Variants in CADPS observed in about 807,000 individuals in gnomAD.
CADPS encodes calcium dependent secretion activator, also known as calcium-dependent secretion activator 1.
A neutral mutation model predicts 167.3 loss-of-function variants in CADPS; 57 were observed. The ratio of observed to expected loss-of-function variants is 0.34; its 90% CI spans 0.28 to 0.42. The LOEUF (loss-of-function observed/expected upper bound fraction) is 0.42. Ranked by LOEUF, CADPS falls within the 20% of genes least tolerant of loss-of-function variation. The pLI is 1.00. For synonymous variants in CADPS, 676 were observed against 635.3 expected (o/e 1.06, Z -0.96); for missense variants, 1,414 against 1,738.1 (o/e 0.81, Z 3.32).
At chr3:62,474,091 G>T in intron 24 of CADPS, 82 bp downstream of exon 24, 1 of 962,484 alleles carries the variant, frequency 1.0e-6, no homozygotes, top group Non-Finnish European at 1.5e-6. Context: ...GACTAGGGTA[G>T]ATGGAAGGAA....
chr3:62,670,852 A>G (rs754525106), intron 3 of CADPS, among the ~76,000 whole-genome samples: 2 of 152,172 alleles, frequency 1.3e-5, no homozygotes, highest in Non-Finnish European at 2.9e-5. Flanking sequence ...CCTTTCTTCA[A>G]GAAGCCCTCC....
At chr3:62,839,477 G>C (rs530268924) in intron 1 of CADPS, among the ~76,000 whole-genome samples, 2 of 152,250 alleles carry the variant, frequency 1.3e-5, no homozygotes, top group South Asian at 2.1e-4. Context: ...AAACACCCCT[G>C]TAAGTGTGAA....
At chr3:62,747,547 A>G (rs569021230) in intron 3 of CADPS, among the ~76,000 whole-genome samples, 3 of 152,340 alleles carry the variant, frequency 2.0e-5, no homozygotes, top group Non-Finnish European at 4.4e-5. Flanking sequence ...TAGTGCTGTA[A>G]TAAGATAACC....
At chr3:62,538,641 GC>G (rs2075171194) in intron 11 of CADPS, among the ~76,000 whole-genome samples, 1 of 152,132 alleles carries the variant, frequency 6.6e-6, no homozygotes. Context: ...ACCGGCCGGG[GC>G]CTTACTCTGC....
chr3:62,796,871 AC>A (rs1401435053), intron 1 of CADPS, among the ~76,000 whole-genome samples: 1 of 152,222 alleles, frequency 6.6e-6, no homozygotes, highest in Non-Finnish European at 1.5e-5. Flanking sequence ...CTTTGGGTAA[AC>A]AAATCATTGC....
chr3:62,752,433 T>TA (rs1340678313), intron 3 of CADPS, among the ~76,000 whole-genome samples: 1 of 152,230 alleles, frequency 6.6e-6, no homozygotes, highest in African/African-American at 2.4e-5. Context: ...AACAGACTCT[T>TA]ACTAAAACAT....
In CADPS at chr3:62,745,039, T is replaced by G. The variant is rs555245933; in HGVS notation, c.888+8402A>C. Among the ~76,000 whole-genome samples the G allele has an allele frequency of 2.2e-4, 34 of 152,334 alleles. No individual in the cohort carries two copies. The South Asian group carries it at 6.4e-3, about 29-fold the overall frequency. On this transcript the variant is annotated intron_variant, in intron 3 of 29. Coordinates refer to ENST00000383710, the MANE Select transcript of CADPS (RefSeq NM_003716.4). ...TCTGGCCCTGTACCAACCACATCTT[T>G]AATGCCTCTAAATTTGTCCCTAGTA...
At chr3:62,506,380 T>C (rs1446599750) in intron 17 of CADPS, among the ~76,000 whole-genome samples, 3 of 152,060 alleles carry the variant, frequency 2.0e-5, no homozygotes, top group Non-Finnish European at 4.4e-5. Flanking sequence ...AGAGCAAGAC[T>C]CCGTCTCAAA....
At chr3:62,500,172 G>C (rs527588805) in intron 17 of CADPS, 3 of 151,916 alleles carry the variant, frequency 2.0e-5, no homozygotes, top group African/African-American at 7.3e-5. Flanking sequence ...TTTTTTTGGA[G>C]ACGGAGTCTC....
rs73844648 is a variant in CADPS at position 62,852,848 on chromosome 3, A to T, written c.441+21741T>A. 6.7e-3 allele frequency among the ~76,000 whole-genome samples: 1,016 copies of T among 152,294 alleles called. 16 individuals are homozygous for T. The highest frequency in any genetic ancestry group is 0.023 in the African/African-American group (946 of 41,550). On this transcript the variant is annotated intron_variant, in intron 1 of 29. Transcript: ENST00000383710. ...CACTTCATATCTGAGTTATCTATTT[A>T]CATGTCTATGTAGCATTGAATGAAT...
intron 6 of CADPS, among the ~76,000 whole-genome samples, chr3:62,618,064 T>C (rs190058372): frequency 6.6e-6 from 1 of 152,194 alleles, no homozygotes; most frequent in Non-Finnish European, 1.5e-5. Flanking sequence ...TGGGTGGATA[T>C]CTGACTCAAA....
intron 3 of CADPS, among the ~76,000 whole-genome samples, chr3:62,674,520 A>G (rs1386742926): frequency 6.6e-6 from 1 of 152,218 alleles, no homozygotes; most frequent in Non-Finnish European, 1.5e-5. Flanking sequence ...AAGACCTGTC[A>G]AAGAAACAGT....
At chr3:62,607,951 T>C (rs2149236333) in intron 6 of CADPS, among the ~76,000 whole-genome samples, 1 of 152,318 alleles carries the variant, frequency 6.6e-6, no homozygotes. Flanking sequence ...TGAGGTGTTG[T>C]CTTAAAGAAT....
At chr3:62,629,744 A>C (rs1255173411) in intron 6 of CADPS, among the ~76,000 whole-genome samples, 1 of 135,596 alleles carries the variant, frequency 7.4e-6, no homozygotes, top group Non-Finnish European at 1.7e-5. Context: ...TCTTGCTCAC[A>C]GACTCTGGTA....
intron 3 of CADPS, among the ~76,000 whole-genome samples, chr3:62,701,721 G>T (rs2081431062): frequency 6.6e-6 from 1 of 151,998 alleles, no homozygotes; most frequent in African/African-American, 2.4e-5. Context: ...TCAGGGCACA[G>T]ATGTGGTTCA....
chr3:62,441,675 C>T (rs2056336047), intron 27 of CADPS, among the ~76,000 whole-genome samples: 1 of 152,182 alleles, frequency 6.6e-6, no homozygotes, highest in Admixed American at 6.5e-5. Context: ...CACAGGTGAT[C>T]TCAGAGGCTT....
intron 21 of CADPS, among the ~76,000 whole-genome samples, chr3:62,483,547 G>A (rs1423411383): frequency 2.6e-5 from 4 of 152,132 alleles, no homozygotes; most frequent in Admixed American, 1.3e-4. Context: ...ATTCTCTTCT[G>A]TAAGGGAAAC....
Position 62,599,834 on chromosome 3 carries a change from A to T in CADPS, c.1326-7086T>A, listed in dbSNP as rs1362693291. ...ATAATATATTATATATTATATATAT[A>T]ATATATTATATATATATAATATATA... On this transcript the variant is annotated intron_variant, in intron 6 of 29. Transcript: ENST00000383710. Among the ~76,000 whole-genome samples the T allele has an allele frequency of 0.032, 81 of 2,558 alleles. 1 individual carries two copies. In the South Asian group the frequency reaches 0.42, roughly 13 times the overall value. The allele number at this position is 2,558 out of a possible 152,430, so 1.7% of individuals were successfully genotyped here.
chr3:62,590,592 T>C (rs951875436), intron 7 of CADPS, among the ~76,000 whole-genome samples: 18 of 152,168 alleles, frequency 1.2e-4, no homozygotes, highest in Non-Finnish European at 2.4e-4. Context: ...TGCAGTAATA[T>C]GACTCCAGGT....
Sources: gnomAD v4.1 joint callset for allele counts (sites outside exome capture counted in the v4.1 genomes callset) on GRCh38, gnomAD v4.1.1 for gene constraint, MANE v1.5 for transcripts, NCBI Gene and HGNC (gene_info 2026-07-23, HGNC 2026-07-21) for gene names.